Variants in PDE3B observed in about 807,000 individuals in gnomAD.
PDE3B encodes cGMP-inhibited 3',5'-cyclic phosphodiesterase 3B.
In PDE3B, 66 loss-of-function variants were observed where a neutral mutation model predicts 116.8. The observed-to-expected ratio is 0.56, with a 90% CI of 0.46 to 0.69. The LOEUF (loss-of-function observed/expected upper bound fraction) is 0.69, where lower values mean the gene tolerates loss of function less well. PDE3B is among the 30% of genes least tolerant of loss of function. The probability of loss-of-function intolerance (pLI) is 0.00; values close to 1 mark genes in which losing one functional copy is unlikely to be tolerated. For synonymous variants in PDE3B, 595 were observed against 533.6 expected (o/e 1.12, Z -1.59); for missense variants, 1,384 against 1,368.1 (o/e 1.01, Z -0.18).
At chr11:14,740,967 T>TTCCTTATTAGGAA in intron 1 of PDE3B, among the ~76,000 whole-genome samples, 1 of 151,958 alleles carries the variant, frequency 6.6e-6, no homozygotes, top group African/African-American at 2.4e-5. Context: ...CCTGAGAAAC[T>TTCCTTATTAGGAA]GTTTGTTATG....
intron 5 of PDE3B, among the ~76,000 whole-genome samples, chr11:14,811,683 C>T (rs1047064299): frequency 6.6e-6 from 1 of 151,852 alleles, no homozygotes; most frequent in African/African-American, 2.4e-5. Flanking sequence ...TGAAGAAAGT[C>T]ATTGGTAGCT....
intron 5 of PDE3B, among the ~76,000 whole-genome samples, chr11:14,806,923 T>C (rs1365106428): frequency 1.3e-5 from 2 of 148,400 alleles, no homozygotes; most frequent in East Asian, 3.9e-4. Context: ...TGGAATACTA[T>C]GCAGCCATAA....
intron 5 of PDE3B, among the ~76,000 whole-genome samples, chr11:14,812,726 G>A (rs1859184885): frequency 1.3e-5 from 2 of 152,142 alleles, no homozygotes; most frequent in Non-Finnish European, 1.5e-5. Flanking sequence ...TGACTTTACT[G>A]GTAAATTCTT....
chr11:14,711,696 G>T (rs1855707289), intron 1 of PDE3B, among the ~76,000 whole-genome samples: 1 of 152,080 alleles, frequency 6.6e-6, no homozygotes, highest in Non-Finnish European at 1.5e-5. Context: ...CTCCCACCAG[G>T]TCCCACCTCC....
chr11:14,820,499 G>T (rs1476608750), intron 7 of PDE3B, among the ~76,000 whole-genome samples: 1 of 152,144 alleles, frequency 6.6e-6, no homozygotes, highest in Non-Finnish European at 1.5e-5. Flanking sequence ...TTGGGTGGGG[G>T]TGTTGAGAAT....
chr11:14,838,297 A>G (rs1860124307), intron 11 of PDE3B, among the ~76,000 whole-genome samples: 1 of 152,090 alleles, frequency 6.6e-6, no homozygotes, highest in African/African-American at 2.4e-5. Context: ...CTTATTTTTT[A>G]TAGTAATAGG....
At chr11:14,806,815 C>T (rs1243900792) in intron 5 of PDE3B, among the ~76,000 whole-genome samples, 12 of 141,076 alleles carry the variant, frequency 8.5e-5, no homozygotes, top group African/African-American at 2.4e-4. Context: ...GCCGAGATCC[C>T]ACCACTGCAC....
chr11:14,780,959 T>C (rs185399764), intron 2 of PDE3B, among the ~76,000 whole-genome samples: 3,110 of 151,792 alleles, frequency 0.02, 51 homozygotes, highest in Middle Eastern at 0.065. Flanking sequence ...CAAATAGACG[T>C]AATGAAAAAT....
intron 2 of PDE3B, among the ~76,000 whole-genome samples, chr11:14,779,105 A>T (rs1452820002): frequency 6.6e-6 from 1 of 152,164 alleles, no homozygotes; most frequent in African/African-American, 2.4e-5. Flanking sequence ...AAATGAAGCG[A>T]GAAGAGAAAT....
intron 4 of PDE3B, among the ~76,000 whole-genome samples, chr11:14,796,442 C>T (rs1858556195): frequency 6.6e-6 from 1 of 152,190 alleles, no homozygotes; most frequent in Admixed American, 6.5e-5. Flanking sequence ...TGAAGAATCG[C>T]CACACTGTCT....
chr11:14,666,179 G>A (rs1248037072), intron 1 of PDE3B, among the ~76,000 whole-genome samples: 1 of 148,690 alleles, frequency 6.7e-6, no homozygotes, highest in Non-Finnish European at 1.5e-5. Flanking sequence ...ACAAGCAATG[G>A]GGAAAGGATT....
At chr11:14,804,641 A>G (rs984551733) in intron 5 of PDE3B, among the ~76,000 whole-genome samples, 9 of 152,174 alleles carry the variant, frequency 5.9e-5, no homozygotes, top group Admixed American at 1.3e-4. Flanking sequence ...TTTATACACA[A>G]TAACCTATAA....
rs374062524 is a variant in PDE3B, at chr11:14,800,610, C to T, written c.1416-3334C>T. On this transcript the variant is annotated intron_variant, in intron 4 of 15. Coordinates refer to ENST00000282096, the MANE Select transcript of PDE3B (RefSeq NM_000922.4). ...AACATTTTTTCCTTCATTTCAACTT[C>T]GGTGAATCTGACAGTTATGTGTCTT... Among the ~76,000 whole-genome samples, 42 of 152,248 alleles carry T rather than the reference C, an allele frequency of 2.8e-4. No homozygotes were observed. In the South Asian group the frequency reaches 7.7e-3, roughly 28 times the overall value.
At chr11:14,844,439 C>T (rs1044356036) in intron 12 of PDE3B, among the ~76,000 whole-genome samples, 17 of 152,212 alleles carry the variant, frequency 1.1e-4, no homozygotes, top group Admixed American at 5.9e-4. Context: ...GCATTTCCAT[C>T]GGAGGTACCA....
intron 1 of PDE3B, among the ~76,000 whole-genome samples, chr11:14,651,493 A>G (rs1351102314): frequency 1.3e-5 from 2 of 152,226 alleles, no homozygotes; most frequent in Non-Finnish European, 2.9e-5. Context: ...TTGTTTTTCA[A>G]AATGGATGCT....
chr11:14,833,285 T>C (rs1324372711), intron 10 of PDE3B, among the ~76,000 whole-genome samples: 3 of 152,208 alleles, frequency 2.0e-5, no homozygotes, highest in Admixed American at 2.0e-4. Flanking sequence ...TTAAAAAGAA[T>C]ATTTGTATTA....
At chr11:14,735,958 TTGTGTGTGTGTG>T (rs59099319) in intron 1 of PDE3B, among the ~76,000 whole-genome samples, 350 of 143,024 alleles carry the variant, frequency 2.4e-3, no homozygotes, top group Non-Finnish European at 4.2e-3. Flanking sequence ...GAATAATAGG[TTGTGTGTGTGTG>T]TGTGTGTGTG....
At chr11:14,656,832 A>C (rs1264120792) in intron 1 of PDE3B, among the ~76,000 whole-genome samples, 1 of 152,174 alleles carries the variant, frequency 6.6e-6, no homozygotes, top group Non-Finnish European at 1.5e-5. Flanking sequence ...GTTTCTCTAA[A>C]TCAATGGTAA....
At chr11:14,684,403 G>A (rs1406079854) in intron 1 of PDE3B, among the ~76,000 whole-genome samples, 1 of 152,074 alleles carries the variant, frequency 6.6e-6, no homozygotes, top group Non-Finnish European at 1.5e-5. Context: ...ACAGGGAGTA[G>A]GTCACAAGAT....
Sources: gnomAD v4.1 joint callset for allele counts (sites outside exome capture counted in the v4.1 genomes callset) on GRCh38, gnomAD v4.1.1 for gene constraint, MANE v1.5 for transcripts, NCBI Gene and HGNC (gene_info 2026-07-23, HGNC 2026-07-21) for gene names.